GALNT1: variants seen among roughly 807,000 people sequenced by gnomAD.
GALNT1 encodes polypeptide N-acetylgalactosaminyltransferase 1.
Under a neutral mutation model 65.7 loss-of-function variants are expected in GALNT1, and 17 were observed. The ratio of observed to expected loss-of-function variants is 0.26; its 90% confidence interval spans 0.18 to 0.39. GALNT1 has a LOEUF of 0.39. Ranked by LOEUF, GALNT1 falls within the 10% of genes least tolerant of loss-of-function variation. The probability of loss-of-function intolerance (pLI) is 1.00; values close to 1 mark genes in which losing one functional copy is unlikely to be tolerated. For synonymous variants in GALNT1, 210 were observed against 219.7 expected (o/e 0.96, Z 0.39); for missense variants, 460 against 672.8 (o/e 0.68, Z 3.50).
chr18:35,651,989 G>A (rs1005053773), intron 1 of GALNT1, among the ~76,000 whole-genome samples: 1 of 150,510 alleles, frequency 6.6e-6, no homozygotes, highest in African/African-American at 2.4e-5. Flanking sequence ...AACATACTTG[G>A]AACTTTATCT....
chr18:35,687,202 G>C lies in GALNT1; in HGVS notation c.860+16G>C. ...TTCCTGTCAGGTAATTAATTTGTCA[G>C]ACATTTTGCCTAAAGTGTTATTGGC... On this transcript the variant is annotated intron_variant, in intron 6 of 11. Coordinates refer to ENST00000269195, the MANE Select transcript of GALNT1 (RefSeq NM_020474.4). The C allele has an allele frequency of 6.2e-7, 1 of 1,608,348 alleles. No homozygotes were observed. Among genetic ancestry groups the C allele is most frequent in the Non-Finnish European group, 8.5e-7 (1 of 1,177,180 alleles).
chr18:35,641,562 G>A (rs1051915960), intron 1 of GALNT1, among the ~76,000 whole-genome samples: 4 of 152,168 alleles, frequency 2.6e-5, no homozygotes, highest in Admixed American at 6.6e-5. Flanking sequence ...ACTTCAGTAG[G>A]CATATTAGAG....
At chr18:35,621,609 G>C (rs2046853939) in intron 1 of GALNT1, among the ~76,000 whole-genome samples, 1 of 151,884 alleles carries the variant, frequency 6.6e-6, no homozygotes, top group African/African-American at 2.4e-5. Flanking sequence ...TGATGTCTTT[G>C]GTTATATCAA....
At chr18:35,636,103 C>A (rs761743927) in intron 1 of GALNT1, among the ~76,000 whole-genome samples, 1 of 152,084 alleles carries the variant, frequency 6.6e-6, no homozygotes, top group African/African-American at 2.4e-5. Flanking sequence ...TATACAGAAA[C>A]AACAAAGTGG....
intron 1 of GALNT1, among the ~76,000 whole-genome samples, chr18:35,594,551 T>G (rs2046482652): frequency 6.6e-6 from 1 of 152,126 alleles, no homozygotes; most frequent in East Asian, 1.9e-4. Flanking sequence ...TCCTAGAAGT[T>G]GAAGCAGAAA....
chr18:35,606,866 T>TGTGC (rs1446510735), intron 1 of GALNT1, among the ~76,000 whole-genome samples: 2 of 136,230 alleles, frequency 1.5e-5, no homozygotes, highest in Non-Finnish European at 3.2e-5. Flanking sequence ...TGTGTGTGTG[T>TGTGC]GTGTGTTTGG....
intron 1 of GALNT1, among the ~76,000 whole-genome samples, chr18:35,632,807 A>G (rs2047032760): frequency 6.6e-6 from 1 of 152,226 alleles, no homozygotes; most frequent in Admixed American, 6.5e-5. Flanking sequence ...CCCATCTGAC[A>G]AAGGGCTAAT....
chr18:35,624,035 T>A (rs572297759), intron 1 of GALNT1, among the ~76,000 whole-genome samples: 1 of 152,222 alleles, frequency 6.6e-6, no homozygotes, highest in Admixed American at 6.5e-5. Context: ...GATTCCTTGC[T>A]GGCTAGATTT....
chr18:35,663,888 C>T, intron 3 of GALNT1, 86 bp downstream of exon 3: 1 of 1,256,380 alleles, frequency 8.0e-7, no homozygotes, highest in Non-Finnish European at 1.1e-6. Flanking sequence ...GCTGATTGTT[C>T]TTAAGGCAAA....
intron 1 of GALNT1, 90 bp from the exon 2 acceptor site, chr18:35,654,470 C>G (rs1208778830): frequency 2.1e-5 from 4 of 191,444 alleles, no homozygotes; most frequent in African/African-American, 7.1e-5. Context: ...ATTCATATTA[C>G]TTAATGTTTA....
intron 1 of GALNT1, among the ~76,000 whole-genome samples, chr18:35,617,440 G>T (rs138934514): frequency 0.017 from 2,552 of 152,272 alleles, 36 homozygotes; most frequent in Middle Eastern, 0.041. Flanking sequence ...ACGTTTAAAA[G>T]TTACTTCTTT....
At chr18:35,687,611 T>C (rs971876835) in intron 6 of GALNT1, among the ~76,000 whole-genome samples, 5 of 152,220 alleles carry the variant, frequency 3.3e-5, no homozygotes, top group Admixed American at 3.3e-4. Context: ...ATGACAGTTA[T>C]TGACTGGTAA....
intron 4 of GALNT1, among the ~76,000 whole-genome samples, chr18:35,679,857 CT>C (rs1001690681): frequency 6.0e-4 from 92 of 152,116 alleles, no homozygotes; most frequent in Non-Finnish European, 7.4e-5. Flanking sequence ...TTTACATCTG[CT>C]TTTTTTCCTA....
At chr18:35,691,488 G>C (rs1481408888) in intron 8 of GALNT1, among the ~76,000 whole-genome samples, 2 of 152,054 alleles carry the variant, frequency 1.3e-5, no homozygotes, top group Non-Finnish European at 2.9e-5. Context: ...TTCCTGTGAA[G>C]TTTCATCTTG....
intron 2 of GALNT1, among the ~76,000 whole-genome samples, chr18:35,660,925 G>A (rs1598798493): frequency 6.6e-6 from 1 of 152,142 alleles, no homozygotes; most frequent in East Asian, 1.9e-4. Context: ...GTAACAGTAG[G>A]TTAGAGTACA....
chr18:35,644,877 G>T (rs1471482388), intron 1 of GALNT1, among the ~76,000 whole-genome samples: 2 of 152,084 alleles, frequency 1.3e-5, no homozygotes, highest in African/African-American at 2.4e-5. Context: ...TGTAGACCCA[G>T]CTACTTGGGA....
intron 1 of GALNT1, among the ~76,000 whole-genome samples, chr18:35,632,852 A>C (rs1288606220): frequency 6.6e-6 from 1 of 152,240 alleles, no homozygotes; most frequent in African/African-American, 2.4e-5. Context: ...ACAAATTTAC[A>C]AGAAAAAAAC....
chr18:35,581,708 GGACCCGC>G, upstream of GALNT1: 1 of 140,622 alleles, frequency 7.1e-6, no homozygotes, highest in African/African-American at 2.5e-5. Context: ...GGGCCCGGCC[GGACCCGC>G]CCGCCCGCCG....
chr18:35,708,686 T>G lies in GALNT1; in HGVS notation c.1534-938T>G, dbSNP rs1037288588. Among the ~76,000 whole-genome samples, 7 of 152,352 alleles carry G rather than the reference T, an allele frequency of 4.6e-5. No individual in the cohort carries two copies. The East Asian group carries it at 1.3e-3, about 29-fold the overall frequency. ...GACCAGAGCATATTATCACAATCAT[T>G]GGTGTGGATCATTGTTAACTATCTA... On this transcript the variant is annotated intron_variant, in intron 11 of 11. Coordinates refer to ENST00000269195, the MANE Select transcript of GALNT1 (RefSeq NM_020474.4).
Sources: gnomAD v4.1 joint callset for allele counts (sites outside exome capture counted in the v4.1 genomes callset) on GRCh38, gnomAD v4.1.1 for gene constraint, MANE v1.5 for transcripts, NCBI Gene and HGNC (gene_info 2026-07-23, HGNC 2026-07-21) for gene names.